PDZD2: variants seen among roughly 807,000 people sequenced by gnomAD.
PDZD2 encodes the protein PDZ domain containing 2.
PDZD2 carries 90 observed loss-of-function variants against 220.7 expected under a neutral mutation model. That is an observed-to-expected ratio of 0.41 (90% CI 0.34 to 0.49). The LOEUF (loss-of-function observed/expected upper bound fraction) is 0.49, where lower values mean the gene tolerates loss of function less well. Ranked by LOEUF, PDZD2 falls within the 20% of genes least tolerant of loss-of-function variation. PDZD2 has a pLI of 0.28. For synonymous variants in PDZD2, 1,375 were observed against 1,450.5 expected (o/e 0.95, Z 1.18); for missense variants, 3,174 against 3,608.5 (o/e 0.88, Z 3.08).
chr5:32,037,182 C>A, intron 6 of PDZD2, 49 bp from the exon 7 acceptor site: 1 of 1,165,452 alleles, frequency 8.6e-7, no homozygotes. Flanking sequence ...CAGCATAAGT[C>A]ATCGCAGGGC....
At chr5:31,844,686 G>T (rs1483619062) in intron 2 of PDZD2, among the ~76,000 whole-genome samples, 1 of 152,122 alleles carries the variant, frequency 6.6e-6, no homozygotes, top group African/African-American at 2.4e-5. Flanking sequence ...GTAAGGAAAG[G>T]CACCAGCCCC....
At chr5:31,716,114 C>T (rs1748429615) in intron 1 of PDZD2, among the ~76,000 whole-genome samples, 1 of 152,218 alleles carries the variant, frequency 6.6e-6, no homozygotes, top group South Asian at 2.1e-4. Flanking sequence ...CTTTCTCTCT[C>T]ACTTCCATTC....
At chr5:31,962,697 G>C (rs1294338826) in intron 2 of PDZD2, among the ~76,000 whole-genome samples, 2 of 152,186 alleles carry the variant, frequency 1.3e-5, no homozygotes, top group Non-Finnish European at 2.9e-5. Context: ...AGCCTGGGGA[G>C]CTAGAACAAG....
intron 2 of PDZD2, among the ~76,000 whole-genome samples, chr5:31,842,765 G>A (rs1205535898): frequency 6.6e-6 from 1 of 152,144 alleles, no homozygotes; most frequent in Non-Finnish European, 1.5e-5. Context: ...TTGTGACTAT[G>A]TACTGATACT....
intron 2 of PDZD2, among the ~76,000 whole-genome samples, chr5:31,822,282 T>TC (rs1755928613): frequency 6.8e-6 from 1 of 146,736 alleles, no homozygotes; most frequent in African/African-American, 2.5e-5. Flanking sequence ...TTTTTTTTTT[T>TC]TTTTTTTTTT....
intron 21 of PDZD2, among the ~76,000 whole-genome samples, chr5:32,095,338 C>T (rs1408329168): frequency 6.6e-6 from 1 of 152,196 alleles, no homozygotes; most frequent in Non-Finnish European, 1.5e-5. Flanking sequence ...CAGAGAGGAG[C>T]GTTGAGCAGG....
chr5:31,717,641 G>A (rs1748531723), intron 1 of PDZD2, among the ~76,000 whole-genome samples: 1 of 152,176 alleles, frequency 6.6e-6, no homozygotes, highest in African/African-American at 2.4e-5. Context: ...ACAGTAATGA[G>A]AGATGCCATG....
rs193262796 is a variant in PDZD2 at position 31,986,252 on chromosome 5, C to T, written c.978+2596C>T. 9.2e-5 allele frequency among the ~76,000 whole-genome samples: 14 copies of T among 151,968 alleles called. No individual in the cohort carries two copies. The East Asian group carries it at 9.6e-4, about 10-fold the overall frequency. On this transcript the variant is annotated intron_variant, in intron 3 of 24. Coordinates refer to ENST00000438447, the MANE Select transcript of PDZD2 (RefSeq NM_178140.4). ...CTTTAGGGCATTTTTTTTAAAAAGC[C>T]GCATGCCTATAGAAAGGGGAGACTT...
intron 6 of PDZD2, among the ~76,000 whole-genome samples, chr5:32,018,307 T>C (rs907916448): frequency 2.6e-4 from 39 of 152,312 alleles, no homozygotes; most frequent in Middle Eastern, 3.4e-3. Context: ...TGGCAAGGCT[T>C]CTAAGAGTCT....
At chr5:32,020,097 ATCC>A (rs1754085359) in intron 6 of PDZD2, among the ~76,000 whole-genome samples, 1 of 150,686 alleles carries the variant, frequency 6.6e-6, no homozygotes, top group African/African-American at 2.4e-5. Context: ...AGACAGAGTC[ATCC>A]TCTGTCACCC....
Position 32,089,947 on chromosome 5 carries a change from C to G in PDZD2, c.6499C>G (p.Leu2167Val), listed in dbSNP as rs1251259172. 5.0e-6 allele frequency: 8 copies of G among 1,608,052 alleles called. No individual in the cohort carries two copies. Among genetic ancestry groups the G allele is most frequent in the Middle Eastern group, 1.7e-4 (1 of 6,050 alleles). Residue 2167 changes from leucine to valine, a missense_variant, in exon 20 of 25, where the codon CTG becomes GTG. Coordinates refer to ENST00000438447, the MANE Select transcript of PDZD2 (RefSeq NM_178140.4). ...EMSRSFSMAK[L>V]ASSSSSLQTA... ...GTCACGATCATTCAGCATGGCAAAA[C>G]TGGCGTCCTCCTCCTCCTCCCTTCA...
At chr5:32,018,339 G>A (rs984649844) in intron 6 of PDZD2, among the ~76,000 whole-genome samples, 2 of 152,214 alleles carry the variant, frequency 1.3e-5, no homozygotes, top group Non-Finnish European at 2.9e-5. Flanking sequence ...GCTGGGCGAT[G>A]CCCAGGGACC....
intron 2 of PDZD2, among the ~76,000 whole-genome samples, chr5:31,804,509 A>G (rs1325448028): frequency 1.3e-5 from 2 of 152,204 alleles, no homozygotes; most frequent in Non-Finnish European, 2.9e-5. Flanking sequence ...AGCGACCACA[A>G]TTCCATAAAG....
intron 1 of PDZD2, among the ~76,000 whole-genome samples, chr5:31,785,192 G>T (rs1753308165): frequency 6.6e-6 from 1 of 151,962 alleles, no homozygotes; most frequent in Non-Finnish European, 1.5e-5. Context: ...GAGCTTTCTT[G>T]CTGGTAACTG....
chr5:31,924,160 C>T (rs1744537461), intron 2 of PDZD2, among the ~76,000 whole-genome samples: 2 of 152,158 alleles, frequency 1.3e-5, no homozygotes, highest in African/African-American at 2.4e-5. Flanking sequence ...AGTGGAATTG[C>T]GATGGGCCTT....
chr5:31,641,798 G>A (rs1035585836), intron 1 of PDZD2, among the ~76,000 whole-genome samples: 2 of 151,998 alleles, frequency 1.3e-5, no homozygotes, highest in Non-Finnish European at 2.9e-5. Context: ...CTGGCCCCTC[G>A]TTCTGCTCCT....
chr5:31,933,950 G>C (rs1046350797), intron 2 of PDZD2, among the ~76,000 whole-genome samples: 1 of 152,158 alleles, frequency 6.6e-6, no homozygotes, highest in Non-Finnish European at 1.5e-5. Flanking sequence ...CTGAATTCTG[G>C]TGTATGCTAC....
intron 8 of PDZD2, among the ~76,000 whole-genome samples, chr5:32,049,380 G>C (rs560262798): frequency 1.3e-5 from 2 of 152,304 alleles, no homozygotes; most frequent in South Asian, 4.1e-4. Context: ...AGGGGCTCAA[G>C]AGGAACCGTT....
At chr5:31,874,624 G>A (rs113399216) in intron 2 of PDZD2, among the ~76,000 whole-genome samples, 32 of 151,988 alleles carry the variant, frequency 2.1e-4, no homozygotes, top group Non-Finnish European at 2.5e-4. Context: ...AGTCGGGTGT[G>A]GTGGCACATG....
Sources: allele counts gnomAD v4.1 joint callset (sites outside exome capture counted in the v4.1 genomes callset), GRCh38; gene constraint gnomAD v4.1.1; transcripts MANE v1.5; gene names NCBI Gene and HGNC (gene_info 2026-07-23, HGNC 2026-07-21).